The following HIPK2 variants were observed in gnomAD, a reference collection of about 807,000 sequenced individuals.
HIPK2 encodes homeodomain-interacting protein kinase 2.
A neutral mutation model predicts 113.7 loss-of-function variants in HIPK2; 27 were observed. That is an observed-to-expected ratio of 0.24 (90% CI 0.17 to 0.33). HIPK2 has a LOEUF of 0.33. HIPK2 is among the 10% of genes least tolerant of loss of function. HIPK2 has a pLI of 1.00. For missense variants in HIPK2, 1,257 were observed against 1,588.0 expected (o/e 0.79, Z 3.54); for synonymous variants, 631 against 642.2 (o/e 0.98, Z 0.26).
At chr7:139,598,276 T>C (rs921518268) in intron 11 of HIPK2, among the ~76,000 whole-genome samples, 1 of 152,224 alleles carries the variant, frequency 6.6e-6, no homozygotes, top group African/African-American at 2.4e-5. Flanking sequence ...TAGCACCTTC[T>C]AGCTAAAGGG....
At chr7:139,649,185 G>A (rs559279226) in intron 2 of HIPK2, among the ~76,000 whole-genome samples, 13 of 152,206 alleles carry the variant, frequency 8.5e-5, no homozygotes, top group African/African-American at 1.9e-4. Context: ...ACACCACAGC[G>A]GCCTATGAAT....
At chr7:139,612,109 A>C (rs750204753) in intron 9 of HIPK2, among the ~76,000 whole-genome samples, 3 of 152,096 alleles carry the variant, frequency 2.0e-5, no homozygotes, top group Non-Finnish European at 4.4e-5. Context: ...GACAGACTAA[A>C]GTTACAATGG....
At chr7:139,624,696 CAA>C (rs1358776331) in intron 6 of HIPK2, among the ~76,000 whole-genome samples, 1 of 152,176 alleles carries the variant, frequency 6.6e-6, no homozygotes. Context: ...TCCCTTTGGG[CAA>C]AGTCTCCAAT....
At position 139,684,177 on chromosome 7, in the gene HIPK2, A is replaced by G. The variant is rs189795539; in HGVS notation, c.1103+31755T>C. 3.4e-3 allele frequency among the ~76,000 whole-genome samples: 516 copies of G among 152,274 alleles called. 5 individuals are homozygous for G. Among genetic ancestry groups the G allele is most frequent in the Middle Eastern group, 0.017 (5 of 294 alleles). ...ATTGTAATGGTACTTGTGTGCCATGAATTGCACCCATATAAGATGGCAAAC... is the reference window on the plus strand; with the variant it reads ...ATTGTAATGGTACTTGTGTGCCATGGATTGCACCCATATAAGATGGCAAAC... On this transcript the variant is annotated intron_variant, in intron 2 of 14. Transcript: ENST00000406875.
chr7:139,614,243 T>A, intron 8 of HIPK2, 43 bp downstream of exon 8: 1 of 1,364,774 alleles, frequency 7.3e-7, no homozygotes, highest in Non-Finnish European at 9.6e-7. Flanking sequence ...CCAGAGGCCG[T>A]TCTGTAAGAA....
rs564476768 is a variant in HIPK2 at position 139,630,234 on chromosome 7, G to A, written c.1347+931C>T. Among the ~76,000 whole-genome samples the A allele has an allele frequency of 6.6e-6, 1 of 152,054 alleles. No individual in the cohort carries two copies. The highest frequency in any genetic ancestry group is 1.5e-5 in the Non-Finnish European group (1 of 68,010). ...CTGTTAAAGTGAAGCCCCTGCCCCCGGAGTTTCAGGTTTATGGTTACTTGT... is the reference window on the plus strand; with the variant it reads ...CTGTTAAAGTGAAGCCCCTGCCCCCAGAGTTTCAGGTTTATGGTTACTTGT... On this transcript the variant is annotated intron_variant, in intron 4 of 14. Coordinates refer to ENST00000406875, the MANE Select transcript of HIPK2 (RefSeq NM_022740.5). The surrounding 1 kb of genome is among the most constrained non-coding windows in gnomAD (Gnocchi z 4.0).
At position 139,777,599 on chromosome 7, in the gene HIPK2, C is replaced by T. The variant is rs1259149869; in HGVS notation, c.19+6G>A. On this transcript the variant is annotated splice_donor_region_variant and intron_variant, in intron 1 of 14. Transcript: ENST00000406875. Reference sequence around the variant, plus strand: ...CGCGGGGTCGGCGGGGCCGGGCGCCCCTTACCTTCGTACACGGGGGCCATC... The same window carrying T: ...CGCGGGGTCGGCGGGGCCGGGCGCCTCTTACCTTCGTACACGGGGGCCATC... 5 of 1,062,608 alleles carry T rather than the reference C, an allele frequency of 4.7e-6. No homozygotes were observed. Among genetic ancestry groups the T allele is most frequent in the African/African-American group, 1.7e-5 (1 of 58,222 alleles). 65.8% of individuals were successfully genotyped at this position (1,062,608 alleles called of 1,614,324 possible).
chr7:139,676,192 A>G (rs1217440437), intron 2 of HIPK2, among the ~76,000 whole-genome samples: 1 of 152,218 alleles, frequency 6.6e-6, no homozygotes, highest in Admixed American at 6.5e-5. Flanking sequence ...TCTCTGCTGC[A>G]TCTACTCATC....
At chr7:139,582,624 A>G (rs904767583) in intron 13 of HIPK2, among the ~76,000 whole-genome samples, 13 of 152,246 alleles carry the variant, frequency 8.5e-5, no homozygotes, top group Non-Finnish European at 2.9e-5. Flanking sequence ...AGGGAAAAAG[A>G]GCTTCGCCGC....
intron 2 of HIPK2, among the ~76,000 whole-genome samples, chr7:139,672,582 C>G (rs1328634078): frequency 6.6e-6 from 1 of 152,188 alleles, no homozygotes; most frequent in African/African-American, 2.4e-5. Context: ...TCTCCTGCCT[C>G]AGCCTCCTGA....
chr7:139,753,334 C>A (rs1190759295), intron 1 of HIPK2, among the ~76,000 whole-genome samples: 1 of 152,180 alleles, frequency 6.6e-6, no homozygotes, highest in Admixed American at 6.5e-5. Context: ...GGCGTGGCAG[C>A]TGAACTGGAG....
intron 10 of HIPK2, among the ~76,000 whole-genome samples, chr7:139,601,072 C>T (rs1395900496): frequency 1.3e-5 from 2 of 152,014 alleles, no homozygotes; most frequent in African/African-American, 2.4e-5. Flanking sequence ...GCAAAACCCC[C>T]TTTCTACCAG....
intron 1 of HIPK2, among the ~76,000 whole-genome samples, chr7:139,753,540 C>A (rs896336104): frequency 1.3e-5 from 2 of 152,186 alleles, no homozygotes; most frequent in African/African-American, 4.8e-5. Flanking sequence ...TTGGAACCAT[C>A]GAGGGAGATT....
At chr7:139,647,118 A>C (rs948455582) in intron 2 of HIPK2, among the ~76,000 whole-genome samples, 1 of 138,622 alleles carries the variant, frequency 7.2e-6, no homozygotes, top group African/African-American at 2.8e-5. Flanking sequence ...TTGCACTGAT[A>C]GTTTTTTTTT....
rs1032362752 is a variant in HIPK2, at chr7:139,572,293, G to C, written c.*634C>G. 1 of 152,310 alleles carries C rather than the reference G, an allele frequency of 6.6e-6. No homozygotes were observed. Among genetic ancestry groups the C allele is most frequent in the Non-Finnish European group, 1.5e-5 (1 of 68,018 alleles). The allele number at this position is 152,310 out of a possible 1,614,324, so 9.4% of individuals were successfully genotyped here. A position where few individuals can be genotyped will look rare whatever the true frequency, so the allele number is the denominator to read the frequency against. ...GACTAGGGAGCCCGGACTGGGCTTC[G>C]CCAATCCCACACCAGCTCCAAACAT... On this transcript the variant is annotated 3_prime_UTR_variant, in exon 15 of 15. Coordinates refer to ENST00000406875, the MANE Select transcript of HIPK2 (RefSeq NM_022740.5).
chr7:139,738,179 C>T (rs780360100), intron 1 of HIPK2, among the ~76,000 whole-genome samples: 10 of 152,252 alleles, frequency 6.6e-5, no homozygotes, highest in Non-Finnish European at 1.0e-4. Flanking sequence ...GAGAACTCCA[C>T]CGGGTCAACT....
At position 139,716,599 on chromosome 7, in the gene HIPK2, T is replaced by A. The variant is rs1795250448; in HGVS notation, c.436A>T (p.Ile146Phe). The A allele has an allele frequency of 6.2e-7, 1 of 1,614,006 alleles. No homozygotes were observed. Residue 146 changes from isoleucine to phenylalanine, a missense_variant, in exon 2 of 15, where the codon ATC (isoleucine) becomes TTC (phenylalanine). This residue lies in a region of HIPK2 where 209 missense variants were observed against 237.8 expected (regional missense o/e 0.88). Transcript: ENST00000406875. The surrounding 1 kb of genome is among the most constrained non-coding windows in gnomAD (Gnocchi z 9.3). ...EEIENTSSVQ[I>F]IEEHPPMIQN... is the part of the protein sequence containing the mutation. ...ATCATGGGTGGATGCTCCTCGATGA[T>A]CTGCACGCTGCTTGTGTTCTCGATC...
chr7:139,707,732 A>G (rs1585402571), intron 2 of HIPK2, among the ~76,000 whole-genome samples: 1 of 152,224 alleles, frequency 6.6e-6, no homozygotes, highest in South Asian at 2.1e-4. Context: ...AATTCAAAAA[A>G]TTACCTGTTG....
At position 139,630,586 on chromosome 7, in the gene HIPK2, C is replaced by T. The variant is rs1412338855; in HGVS notation, c.1347+579G>A. Among the ~76,000 whole-genome samples the T allele has an allele frequency of 6.6e-6, 1 of 152,058 alleles. No individual in the cohort carries two copies. Among genetic ancestry groups the T allele is most frequent in the Non-Finnish European group, 1.5e-5 (1 of 68,010 alleles). ...CTAATTTTTATACTTTTAGTAGAGA[C>T]GGGGTTTCACCATGTTGGCCAGGCT... On this transcript the variant is annotated intron_variant, in intron 4 of 14. Coordinates refer to ENST00000406875, the MANE Select transcript of HIPK2 (RefSeq NM_022740.5). This position sits in a 1 kb window ranked among gnomAD's most constrained non-coding sequence, Gnocchi z 4.0.
Sources: allele counts gnomAD v4.1 joint callset (sites outside exome capture counted in the v4.1 genomes callset), GRCh38; gene constraint gnomAD v4.1.1; regional missense constraint gnomAD v4.1.1; non-coding constraint Gnocchi (gnomAD v3.1); transcripts MANE v1.5; gene names NCBI Gene and HGNC (gene_info 2026-07-23, HGNC 2026-07-21).